MAN1A1: variants seen among roughly 807,000 people sequenced by gnomAD.
MAN1A1 encodes the protein mannosidase alpha class 1A member 1.
In MAN1A1, 29 loss-of-function variants were observed where a neutral mutation model predicts 70.8. The observed-to-expected ratio is 0.41, with a 90% CI of 0.31 to 0.56. MAN1A1 has a LOEUF of 0.56. Ranked by LOEUF, MAN1A1 falls within the 20% of genes least tolerant of loss-of-function variation. The pLI, the probability that MAN1A1 is intolerant of heterozygous loss-of-function variation, is 0.29. For synonymous variants in MAN1A1, 349 were observed against 330.1 expected (o/e 1.06, Z -0.62); for missense variants, 747 against 841.3 (o/e 0.89, Z 1.39).
chr6:119,207,034 C>A (rs909794093), intron 6 of MAN1A1, among the ~76,000 whole-genome samples: 1 of 152,174 alleles, frequency 6.6e-6, no homozygotes, highest in Admixed American at 6.5e-5. Context: ...TATATATGTA[C>A]TAAATGAAAC....
intron 8 of MAN1A1, among the ~76,000 whole-genome samples, chr6:119,196,057 G>A (rs79329691): frequency 0.044 from 6,706 of 152,084 alleles, 198 homozygotes; most frequent in East Asian, 0.082. Flanking sequence ...ACACTGACTC[G>A]ATGAAGTGAT....
At chr6:119,224,812 A>C (rs1774459472) in intron 6 of MAN1A1, among the ~76,000 whole-genome samples, 1 of 152,122 alleles carries the variant, frequency 6.6e-6, no homozygotes, top group Admixed American at 6.5e-5. Flanking sequence ...AGAAACAGTA[A>C]ACTTGAAGAT....
chr6:119,264,478 T>G (rs540088042), intron 5 of MAN1A1, among the ~76,000 whole-genome samples: 2 of 152,346 alleles, frequency 1.3e-5, no homozygotes, highest in East Asian at 1.9e-4. Flanking sequence ...GAATGTGCAG[T>G]TTAACAATCA....
At chr6:119,318,370 A>G in intron 2 of MAN1A1, among the ~76,000 whole-genome samples, 1 of 152,194 alleles carries the variant, frequency 6.6e-6, no homozygotes, top group Non-Finnish European at 1.5e-5. Context: ...CCAACATCAG[A>G]TCTTGGTGGT....
At chr6:119,297,257 G>C (rs1234738512) in intron 4 of MAN1A1, among the ~76,000 whole-genome samples, 1 of 152,190 alleles carries the variant, frequency 6.6e-6, no homozygotes, top group East Asian at 1.9e-4. Context: ...CAGATCATCT[G>C]TAACTATATA....
chr6:119,188,600 A>G (rs1044018514), intron 10 of MAN1A1, 23 bp from the exon 11 acceptor site: 9 of 1,603,740 alleles, frequency 5.6e-6, no homozygotes, highest in Non-Finnish European at 7.7e-6. Flanking sequence ...GAATGAATGA[A>G]TAAGGGTTAT....
At chr6:119,314,435 CTG>C (rs1315907139) in intron 2 of MAN1A1, among the ~76,000 whole-genome samples, 3 of 152,206 alleles carry the variant, frequency 2.0e-5, no homozygotes, top group Admixed American at 6.5e-5. Flanking sequence ...CCACACTGCA[CTG>C]TGAGGGGAAT....
At chr6:119,240,195 A>G (rs1026464653) in intron 6 of MAN1A1, among the ~76,000 whole-genome samples, 3 of 152,188 alleles carry the variant, frequency 2.0e-5, no homozygotes, top group Non-Finnish European at 4.4e-5. Flanking sequence ...CATACAAGTC[A>G]TTTAAAAAGG....
At chr6:119,320,388 T>C (rs1456015011) in intron 2 of MAN1A1, among the ~76,000 whole-genome samples, 2 of 152,210 alleles carry the variant, frequency 1.3e-5, no homozygotes, top group Non-Finnish European at 2.9e-5. Flanking sequence ...GGTTGTTTTT[T>C]TAAAACTAGA....
intron 9 of MAN1A1, among the ~76,000 whole-genome samples, chr6:119,191,879 T>G (rs1582682712): frequency 6.6e-6 from 1 of 152,196 alleles, no homozygotes; most frequent in East Asian, 1.9e-4. Flanking sequence ...ACAATAATCT[T>G]CTAAAGTACA....
At chr6:119,280,677 T>C (rs1281043256) in intron 5 of MAN1A1, among the ~76,000 whole-genome samples, 1 of 152,160 alleles carries the variant, frequency 6.6e-6, no homozygotes, top group Non-Finnish European at 1.5e-5. Flanking sequence ...TGCAAGAACA[T>C]TCCTGAAAAA....
intron 8 of MAN1A1, among the ~76,000 whole-genome samples, chr6:119,197,286 AG>A (rs1252055709): frequency 6.6e-6 from 1 of 151,874 alleles, no homozygotes; most frequent in Non-Finnish European, 1.5e-5. Context: ...TGGGCGACAA[AG>A]TAAGACTCCG....
At chr6:119,329,251 T>C (rs195063) in intron 2 of MAN1A1, among the ~76,000 whole-genome samples, 29,513 of 152,166 alleles carry the variant, frequency 0.19, 3,309 homozygotes, top group East Asian at 0.31. Context: ...ACTTATTGGC[T>C]ATGTAAACTT....
intron 2 of MAN1A1, among the ~76,000 whole-genome samples, chr6:119,325,198 G>A (rs772523487): frequency 9.9e-5 from 15 of 152,180 alleles, no homozygotes; most frequent in Non-Finnish European, 2.2e-4. Context: ...ACAAAACTGA[G>A]GTATAGGGAG....
rs989210929 is a variant in MAN1A1 at position 119,337,395 on chromosome 6, A to G, written c.603+11068T>C. Among the ~76,000 whole-genome samples the G allele has an allele frequency of 1.1e-4, 17 of 152,162 alleles. 1 individual carries two copies. The highest frequency in any genetic ancestry group is 3.9e-4 in the African/African-American group (16 of 41,432). ...CGCGAAATCACACTTAACCTGAGTA[A>G]CTCCTGTAGGCATGTTTATTTCAAA... On this transcript the variant is annotated intron_variant, in intron 2 of 12. Transcript: ENST00000368468.
intron 5 of MAN1A1, among the ~76,000 whole-genome samples, chr6:119,289,827 A>G (rs1776484198): frequency 6.6e-6 from 1 of 152,068 alleles, no homozygotes; most frequent in Admixed American, 6.6e-5. Context: ...TTGAAGGAGC[A>G]TAGCAATACA....
At chr6:119,228,637 C>T (rs1160091808) in intron 6 of MAN1A1, among the ~76,000 whole-genome samples, 1 of 151,552 alleles carries the variant, frequency 6.6e-6, no homozygotes, top group Non-Finnish European at 1.5e-5. Context: ...ATTTCTTAGC[C>T]ACAATGATAT....
rs560743328 is a variant in MAN1A1, at chr6:119,312,244, C to T, written c.604-5252G>A. Among the ~76,000 whole-genome samples the T allele has an allele frequency of 9.9e-5, 15 of 152,250 alleles. No individual in the cohort carries two copies. In the South Asian group the frequency reaches 2.9e-3, roughly 29 times the overall value. On this transcript the variant is annotated intron_variant, in intron 2 of 12. Coordinates refer to ENST00000368468, the MANE Select transcript of MAN1A1 (RefSeq NM_005907.4). ...CTTAAAACTACACTTAGGGTTGATG[C>T]TTTGAAAAACAGTGATTTTAAAAGC...
chr6:119,271,200 C>G (rs1410600071), intron 5 of MAN1A1, among the ~76,000 whole-genome samples: 1 of 152,044 alleles, frequency 6.6e-6, no homozygotes, highest in Non-Finnish European at 1.5e-5. Flanking sequence ...GAAATTTATC[C>G]CACTATACCC....
Sources: gnomAD v4.1 joint callset for allele counts (sites outside exome capture counted in the v4.1 genomes callset) on GRCh38, gnomAD v4.1.1 for gene constraint, MANE v1.5 for transcripts, NCBI Gene and HGNC (gene_info 2026-07-23, HGNC 2026-07-21) for gene names.